CYP4A11: variants seen among roughly 807,000 people sequenced by gnomAD.
The protein encoded by CYP4A11 is cytochrome P450 family 4 subfamily A member 11.
In CYP4A11, 52 loss-of-function variants were observed where a neutral mutation model predicts 57.7. That is an observed-to-expected ratio of 0.90 (90% CI 0.72 to 1.14). CYP4A11 has a LOEUF of 1.14. CYP4A11 is among the 50% of genes most tolerant of loss of function. CYP4A11 has a pLI of 0.00. For missense variants in CYP4A11, 641 were observed against 642.1 expected (o/e 1.00, Z 0.02); for synonymous variants, 228 against 247.1 (o/e 0.92, Z 0.72).
At chr1:46,937,414 C>A in intron 2 of CYP4A11, 68 bp from the exon 3 acceptor site, 1 of 1,528,318 alleles carries the variant, frequency 6.5e-7, no homozygotes, top group Non-Finnish European at 9.0e-7. Flanking sequence ...GAGGCTGCAT[C>A]AATTCTTGGT....
intron 1 of CYP4A11, among the ~76,000 whole-genome samples, chr1:46,940,256 T>G (rs944665535): frequency 5.3e-5 from 8 of 152,222 alleles, no homozygotes; most frequent in Non-Finnish European, 8.8e-5. Context: ...TAAAATACAC[T>G]AACACTAATG....
rs775527556 is a variant in CYP4A11, at chr1:46,935,537, G to A, written c.621C>T (p.Ser207=). Residue 207 remains serine, a synonymous_variant, in exon 5 of 12, where the codon AGC becomes AGT. Transcript: ENST00000310638. Reference sequence around the variant, plus strand: ...TTGTCACTGACCTGTCCACCTGGATGCTGCCCTGATGGCTGAAGGCACACT... The same window carrying A: ...TTGTCACTGACCTGTCCACCTGGATACTGCCCTGATGGCTGAAGGCACACT... ...IMKCAFSHQG[S]IQVDRNSQSY... 5.0e-6 allele frequency: 8 copies of A among 1,613,968 alleles called. No homozygotes were observed. The highest frequency in any genetic ancestry group is 1.7e-4 in the Middle Eastern group (1 of 6,054).
At chr1:46,935,707 C>G in intron 4 of CYP4A11, 60 bp from the exon 5 acceptor site, 6 of 1,573,086 alleles carry the variant, frequency 3.8e-6, no homozygotes, top group Non-Finnish European at 5.2e-6. Context: ...CTAATAAGGC[C>G]TGGCTTTTTC....
chr1:46,939,534 C>G (rs1165748857), intron 1 of CYP4A11, among the ~76,000 whole-genome samples: 1 of 152,170 alleles, frequency 6.6e-6, no homozygotes, highest in African/African-American at 2.4e-5. Flanking sequence ...TACTGAGGGA[C>G]TATTGGGTTA....
At chr1:46,933,860 T>C (rs1450377562) in intron 9 of CYP4A11, 86 bp downstream of exon 9, 1 of 1,562,608 alleles carries the variant, frequency 6.4e-7, no homozygotes, top group African/African-American at 1.4e-5. Flanking sequence ...CCCAGAGATG[T>C]GCAGAATTCT....
intron 6 of CYP4A11, 22 bp from the exon 7 acceptor site, chr1:46,934,581 C>T: frequency 6.3e-7 from 1 of 1,597,440 alleles, no homozygotes. Flanking sequence ...CAATGGTTAC[C>T]AGGCAGAGCT....
At chr1:46,937,973 T>G in intron 2 of CYP4A11, 23 bp downstream of exon 2, 1 of 1,613,434 alleles carries the variant, frequency 6.2e-7, no homozygotes, top group Non-Finnish European at 8.5e-7. Flanking sequence ...CACATTGCAG[T>G]TGGGATGGGG....
At position 46,936,754 on chromosome 1, in the gene CYP4A11, G is replaced by A. The variant is rs1159047522; in HGVS notation, c.420C>T (p.Phe140=). The A allele has an allele frequency of 6.2e-7, 1 of 1,613,850 alleles. No individual in the cohort carries two copies. The highest frequency in any genetic ancestry group is 8.5e-7 in the Non-Finnish European group (1 of 1,179,914). ...GLLLLNGQTW[F]QHRRMLTPAF... ...CTGGGGTCAGCATCCGTCGATGCTG[G>A]AACCATGTCTGCCCATTCAACAGGA... Residue 140 remains phenylalanine (F), a synonymous_variant, in exon 4 of 12, where the codon TTC becomes TTT. Transcript: ENST00000310638.
intron 1 of CYP4A11, among the ~76,000 whole-genome samples, chr1:46,938,358 T>C (rs1388768128): frequency 6.6e-6 from 1 of 152,208 alleles, no homozygotes; most frequent in African/African-American, 2.4e-5. Context: ...GAAATTTAAG[T>C]CAGCCATTGT....
chr1:46,932,662 T>G (rs554667308), intron 11 of CYP4A11, 99 bp downstream of exon 11: 150 of 1,607,156 alleles, frequency 9.3e-5, no homozygotes, highest in East Asian at 1.1e-4. Context: ...AGAGCACACC[T>G]GAAGATGCCA....
chr1:46,932,609 G>A (rs1378889187), intron 11 of CYP4A11, 152 bp downstream of exon 11: 25 of 1,549,966 alleles, frequency 1.6e-5, no homozygotes, highest in Admixed American at 3.6e-5. Flanking sequence ...ACACAGAGAC[G>A]CCCACACCAG....
chr1:46,933,100 C>G (rs566833340), intron 9 of CYP4A11, 53 bp from the exon 10 acceptor site: 2 of 1,603,622 alleles, frequency 1.2e-6, no homozygotes, highest in East Asian at 2.2e-5. Flanking sequence ...ATGGGGTGGC[C>G]TGGTACTTCA....
intron 3 of CYP4A11, 62 bp from the exon 4 acceptor site, chr1:46,936,853 G>A: frequency 3.2e-6 from 5 of 1,543,918 alleles, no homozygotes; most frequent in South Asian, 1.3e-5. Context: ...GTCAGGGGCT[G>A]CAAGGAGCTA....
rs9332983 is a variant in CYP4A11, at chr1:46,940,308, C to T, written c.195+931G>A. ...AAAAAATTGCAAAATAATCTCATAA[C>T]GTTTTAAGAAAGTTTACGAATTTGT... On this transcript the variant is annotated intron_variant, in intron 1 of 11. Coordinates refer to ENST00000310638, the MANE Select transcript of CYP4A11 (RefSeq NM_000778.4). 7.5e-3 allele frequency among the ~76,000 whole-genome samples: 1,141 copies of T among 152,292 alleles called. 14 individuals carry two copies. Among genetic ancestry groups the T allele is most frequent in the African/African-American group, 0.026 (1,091 of 41,556 alleles).
intron 11 of CYP4A11, 139 bp downstream of exon 11, chr1:46,932,622 G>C (rs1681091267): frequency 6.4e-7 from 1 of 1,570,540 alleles, no homozygotes; most frequent in Non-Finnish European, 8.7e-7. Context: ...CACACCAGGT[G>C]CCTGACTTTC....
At position 46,938,131 on chromosome 1, in the gene CYP4A11, G is replaced by T. The variant is rs747499896; in HGVS notation, c.202C>A (p.Gln68Lys). ...WLFGHIQELQ[Q>K]DQELQRIQKW... ...TGAATCCGTTGTAGCTCCTGGTCCTGTTGGAGCTGTCAACAAGGGTAGACA... is the reference window on the plus strand; with the variant it reads ...TGAATCCGTTGTAGCTCCTGGTCCTTTTGGAGCTGTCAACAAGGGTAGACA... The change falls in exon 2 of 12, where the codon CAG becomes AAG. Residue 68 changes from glutamine (Q) to lysine (K), a missense_variant. Physicochemically the swap from Gln to Lys is moderately conservative, Grantham distance 53. Coordinates refer to ENST00000310638, the MANE Select transcript of CYP4A11 (RefSeq NM_000778.4). 2 of 1,614,212 alleles carry T rather than the reference G, an allele frequency of 1.2e-6. No individual in the cohort carries two copies. Among genetic ancestry groups the T allele is most frequent in the East Asian group, 4.5e-5 (2 of 44,888 alleles).
At chr1:46,932,133 A>G in intron 11 of CYP4A11, 1 of 976,926 alleles carries the variant, frequency 1.0e-6, no homozygotes, top group African/African-American at 1.8e-5. Context: ...ATATGTGAAC[A>G]CTATATAATG....
At chr1:46,934,732 C>T (rs1221837010) in intron 6 of CYP4A11, among the ~76,000 whole-genome samples, 173 bp from the exon 7 acceptor site, 2 of 152,052 alleles carry the variant, frequency 1.3e-5, no homozygotes, top group South Asian at 2.1e-4. Flanking sequence ...GCACCCCTCC[C>T]GCCAGTGGCA....
intron 4 of CYP4A11, among the ~76,000 whole-genome samples, chr1:46,935,882 T>C (rs1681358884): frequency 1.3e-5 from 2 of 152,234 alleles, no homozygotes; most frequent in African/African-American, 4.8e-5. Context: ...CAACAGATCC[T>C]CTCACAATAG....
Sources: allele counts gnomAD v4.1 joint callset (sites outside exome capture counted in the v4.1 genomes callset), GRCh38; gene constraint gnomAD v4.1.1; transcripts MANE v1.5; gene names NCBI Gene and HGNC (gene_info 2026-07-23, HGNC 2026-07-21).